MORC1: variants seen among roughly 807,000 people sequenced by gnomAD.
The protein encoded by MORC1 is MORC family CW-type zinc finger protein 1.
Under a neutral mutation model 134.9 loss-of-function variants are expected in MORC1, and 59 were observed. That is an observed-to-expected ratio of 0.44 (90% CI 0.35 to 0.54). MORC1 has a LOEUF of 0.54. MORC1 is among the 20% of genes least tolerant of loss of function. The pLI, the probability that MORC1 is intolerant of heterozygous loss-of-function variation, is 0.00. For synonymous variants in MORC1, 395 were observed against 391.7 expected (o/e 1.01, Z -0.10); for missense variants, 947 against 1,134.5 (o/e 0.83, Z 2.37).
intron 14 of MORC1, among the ~76,000 whole-genome samples, chr3:109,044,574 T>C (rs1297008625): frequency 4.8e-5 from 7 of 144,608 alleles, no homozygotes; most frequent in Non-Finnish European, 1.1e-4. Context: ...AAAAAGGAAA[T>C]ACTGCAATAA....
intron 17 of MORC1, among the ~76,000 whole-genome samples, chr3:109,011,543 T>A (rs933020087): frequency 6.6e-6 from 1 of 150,434 alleles, no homozygotes; most frequent in Non-Finnish European, 1.5e-5. Flanking sequence ...TTTTTTGAGA[T>A]GGAGTTTCGC....
intron 3 of MORC1, among the ~76,000 whole-genome samples, chr3:109,107,291 G>A (rs574134295): frequency 1.1e-4 from 17 of 151,784 alleles, no homozygotes; most frequent in African/African-American, 2.4e-4. Context: ...ATACCTGTTC[G>A]TGTATCTATT....
At chr3:108,959,973 C>G (rs1348226775) in intron 27 of MORC1, among the ~76,000 whole-genome samples, 1 of 152,050 alleles carries the variant, frequency 6.6e-6, no homozygotes, top group Non-Finnish European at 1.5e-5. Context: ...GGGACAATGT[C>G]CCCAATGGAG....
intron 27 of MORC1, 149 bp from the exon 28 acceptor site, chr3:108,959,269 G>T (rs1947016567): frequency 5.0e-6 from 3 of 601,032 alleles, no homozygotes; most frequent in African/African-American, 2.0e-5. Flanking sequence ...CTTTCAAAAG[G>T]TTTTCTCATT....
rs1006439830 is a variant in MORC1, at chr3:109,118,002, C to T, written c.58G>A (p.Ala20Thr). ...RAQLRLDFIH[A>T]NSTTHSFLFG... Reference sequence around the variant, plus strand: ...CCCCACCTCGGCACTCACGAGTTGGCGTGGATGAAATCCAGACGCAGCTGG... The same window carrying T: ...CCCCACCTCGGCACTCACGAGTTGGTGTGGATGAAATCCAGACGCAGCTGG... The change falls in exon 1 of 28, where the codon GCC becomes ACC. Residue 20 changes from alanine (A) to threonine (T), a missense_variant. Transcript: ENST00000232603. 2 of 1,603,824 alleles carry T rather than the reference C, an allele frequency of 1.2e-6. No individual in the cohort carries two copies. The highest frequency in any genetic ancestry group is 1.7e-6 in the Non-Finnish European group (2 of 1,175,562).
At chr3:108,993,133 C>G (rs552097724) in intron 21 of MORC1, among the ~76,000 whole-genome samples, 2 of 152,102 alleles carry the variant, frequency 1.3e-5, no homozygotes, top group Admixed American at 6.5e-5. Flanking sequence ...AGCCTGTATC[C>G]TTTCCATAAC....
intron 14 of MORC1, among the ~76,000 whole-genome samples, chr3:109,043,250 A>G (rs1197182302): frequency 6.6e-6 from 1 of 151,416 alleles, no homozygotes; most frequent in Non-Finnish European, 1.5e-5. Flanking sequence ...GGAATTTGAC[A>G]TATGCTATAA....
intron 14 of MORC1, among the ~76,000 whole-genome samples, chr3:109,037,265 T>C (rs992113345): frequency 1.3e-5 from 2 of 152,228 alleles, no homozygotes; most frequent in African/African-American, 4.8e-5. Context: ...TCAGCCTCTT[T>C]CTTCGGCCTC....
intron 14 of MORC1, among the ~76,000 whole-genome samples, chr3:109,037,275 C>G (rs1949401658): frequency 6.6e-6 from 1 of 152,188 alleles, no homozygotes. Flanking sequence ...TCTTCGGCCT[C>G]TCAGCTTCCT....
intron 26 of MORC1, among the ~76,000 whole-genome samples, chr3:108,968,125 G>T (rs760540619): frequency 2.0e-5 from 3 of 152,110 alleles, no homozygotes; most frequent in Non-Finnish European, 2.9e-5. Context: ...TAATATTAGT[G>T]GTAGAACAGC....
chr3:109,034,301 T>C (rs1949317889), intron 15 of MORC1, among the ~76,000 whole-genome samples: 1 of 152,174 alleles, frequency 6.6e-6, no homozygotes, highest in Non-Finnish European at 1.5e-5. Flanking sequence ...TCTACAGAGT[T>C]TTACACACTA....
At chr3:109,085,651 C>T (rs1950603010) in intron 8 of MORC1, among the ~76,000 whole-genome samples, 1 of 152,052 alleles carries the variant, frequency 6.6e-6, no homozygotes, top group Non-Finnish European at 1.5e-5. Flanking sequence ...CCCTCGGATG[C>T]TGTTGGTAGG....
intron 24 of MORC1, among the ~76,000 whole-genome samples, chr3:108,975,841 A>G (rs1947535784): frequency 6.6e-6 from 1 of 152,118 alleles, no homozygotes; most frequent in South Asian, 2.1e-4. Context: ...ATCATCTGAT[A>G]AAATTTAATA....
At chr3:109,115,317 T>C (rs1020462160) in intron 1 of MORC1, among the ~76,000 whole-genome samples, 17 of 129,562 alleles carry the variant, frequency 1.3e-4, no homozygotes, top group South Asian at 5.5e-4. Flanking sequence ...TAGTTTAAAA[T>C]GTATTTTTAA....
intron 8 of MORC1, among the ~76,000 whole-genome samples, chr3:109,075,141 T>G (rs1427837610): frequency 6.6e-6 from 1 of 152,158 alleles, no homozygotes; most frequent in Non-Finnish European, 1.5e-5. Context: ...AATCAATATC[T>G]CCCAGCCATT....
At chr3:108,996,279 C>CTT (rs1948213184) in intron 21 of MORC1, among the ~76,000 whole-genome samples, 1 of 117,460 alleles carries the variant, frequency 8.5e-6, no homozygotes, top group South Asian at 2.6e-4. Context: ...CGTGCGTGCG[C>CTT]GCGCGCGCAC....
At chr3:109,111,715 T>C (rs1458244066) in intron 2 of MORC1, among the ~76,000 whole-genome samples, 1 of 152,166 alleles carries the variant, frequency 6.6e-6, no homozygotes, top group Non-Finnish European at 1.5e-5. Flanking sequence ...GGAAGCTCAG[T>C]GCAACAACAG....
At chr3:109,089,398 A>G (rs1455561334) in intron 8 of MORC1, among the ~76,000 whole-genome samples, 1 of 152,092 alleles carries the variant, frequency 6.6e-6, no homozygotes, top group Non-Finnish European at 1.5e-5. Flanking sequence ...TTCACAGATG[A>G]GAATCCATAC....
chr3:109,033,794 C>A (rs1407495425), intron 15 of MORC1, among the ~76,000 whole-genome samples: 1 of 152,204 alleles, frequency 6.6e-6, no homozygotes, highest in African/African-American at 2.4e-5. Flanking sequence ...TAGACACTAT[C>A]CTTAGCACTT....
Sources: allele counts gnomAD v4.1 joint callset (sites outside exome capture counted in the v4.1 genomes callset), GRCh38; gene constraint gnomAD v4.1.1; transcripts MANE v1.5; gene names NCBI Gene and HGNC (gene_info 2026-07-23, HGNC 2026-07-21).